The following KCNMA1 variants were observed in gnomAD, a reference collection of about 807,000 sequenced individuals.
KCNMA1 encodes Calcium-activated potassium channel subunit alpha-1.
KCNMA1 carries 29 observed loss-of-function variants against 140.0 expected under a neutral mutation model. That is an observed-to-expected ratio of 0.21 (90% CI 0.15 to 0.28). The LOEUF is 0.28. Ranked by LOEUF, KCNMA1 falls within the 10% of genes least tolerant of loss-of-function variation. The pLI is 1.00. For synonymous variants in KCNMA1, 612 were observed against 611.9 expected (o/e 1.00, Z 0.00); for missense variants, 880 against 1,602.2 (o/e 0.55, Z 7.70).
At chr10:77,495,756 C>T (rs923538989) in intron 1 of KCNMA1, among the ~76,000 whole-genome samples, 3 of 152,136 alleles carry the variant, frequency 2.0e-5, no homozygotes, top group Non-Finnish European at 4.4e-5. Context: ...CTGGTCCCAG[C>T]CCAAGGGGTG....
chr10:77,132,724 T>C (rs749000652), intron 5 of KCNMA1, among the ~76,000 whole-genome samples: 48 of 152,116 alleles, frequency 3.2e-4, no homozygotes, highest in Non-Finnish European at 6.6e-4. Context: ...AGAGTCAAAT[T>C]ATTGTCACAA....
intron 3 of KCNMA1, among the ~76,000 whole-genome samples, chr10:77,248,290 C>T (rs994562455): frequency 2.6e-5 from 4 of 152,160 alleles, no homozygotes; most frequent in African/African-American, 9.7e-5. Context: ...ATTCCTTGCA[C>T]TTTTCAAAGG....
chr10:77,120,513 G>C (rs1344785620), intron 6 of KCNMA1, among the ~76,000 whole-genome samples: 1 of 152,172 alleles, frequency 6.6e-6, no homozygotes. Flanking sequence ...TATGAGGTTT[G>C]TGATTGCCTC....
At chr10:77,416,458 G>T (rs1034364013) in intron 1 of KCNMA1, among the ~76,000 whole-genome samples, 29 of 152,154 alleles carry the variant, frequency 1.9e-4, no homozygotes, top group African/African-American at 7.0e-4. Flanking sequence ...AAGTGTTACC[G>T]TGGCCCCAAG....
intron 1 of KCNMA1, among the ~76,000 whole-genome samples, chr10:77,472,491 A>T (rs2098187231): frequency 6.6e-6 from 1 of 151,378 alleles, no homozygotes; most frequent in Non-Finnish European, 1.5e-5. Context: ...AACACACATC[A>T]CACATACACA....
downstream of KCNMA1, chr10:76,875,304 T>C (rs955209784): frequency 2.6e-5 from 4 of 152,336 alleles, no homozygotes; most frequent in African/African-American, 4.8e-5. Flanking sequence ...TATGAACTTA[T>C]TGCTCTATTT....
At chr10:76,910,890 C>A (rs2049907401) in intron 24 of KCNMA1, 1 of 152,734 alleles carries the variant, frequency 6.5e-6, no homozygotes, top group Non-Finnish European at 1.5e-5. Context: ...ACTCCTCCCG[C>A]ATGTACGTGC....
chr10:77,128,113 A>G (rs562131676), intron 5 of KCNMA1, among the ~76,000 whole-genome samples: 3 of 152,090 alleles, frequency 2.0e-5, no homozygotes, highest in Non-Finnish European at 4.4e-5. Flanking sequence ...TAGTCATTTT[A>G]TTTTCTTCTC....
chr10:76,893,403 A>G (rs571723428), intron 25 of KCNMA1, among the ~76,000 whole-genome samples: 187 of 152,260 alleles, frequency 1.2e-3, no homozygotes, highest in Non-Finnish European at 2.2e-3. Flanking sequence ...GGGCTTTAAA[A>G]ACCAAGCAAG....
At chr10:77,483,840 C>T (rs528025927) in intron 1 of KCNMA1, among the ~76,000 whole-genome samples, 11 of 152,220 alleles carry the variant, frequency 7.2e-5, no homozygotes, top group African/African-American at 2.7e-4. Context: ...TTGACACTGT[C>T]GCCCAAGCAA....
chr10:77,031,044 G>T (rs1193682344), intron 15 of KCNMA1, among the ~76,000 whole-genome samples: 1 of 152,160 alleles, frequency 6.6e-6, no homozygotes, highest in African/African-American at 2.4e-5. Flanking sequence ...AACAAACTGA[G>T]CCCAAACAGA....
chr10:77,021,408 T>C (rs1026681425), intron 16 of KCNMA1, among the ~76,000 whole-genome samples: 1 of 152,184 alleles, frequency 6.6e-6, no homozygotes, highest in African/African-American at 2.4e-5. Context: ...GTTGCTACTC[T>C]CAGTGAGCTA....
chr10:77,406,254 G>A (rs2096467117), intron 1 of KCNMA1, among the ~76,000 whole-genome samples: 3 of 152,124 alleles, frequency 2.0e-5, no homozygotes, highest in Non-Finnish European at 4.4e-5. Flanking sequence ...CTGATACAGG[G>A]TCAACCATGG....
At chr10:76,970,379 A>T (rs1021662289) in intron 19 of KCNMA1, 35 of 310,562 alleles carry the variant, frequency 1.1e-4, no homozygotes, top group African/African-American at 6.2e-4. Context: ...ACCAAAAAAA[A>T]TACTTATCAT....
chr10:77,190,203 T>C (rs1048428896), intron 3 of KCNMA1, among the ~76,000 whole-genome samples: 22 of 152,170 alleles, frequency 1.4e-4, no homozygotes, highest in Admixed American at 1.2e-3. Flanking sequence ...TGAATTCCCA[T>C]GCTACTGGGA....
intron 15 of KCNMA1, among the ~76,000 whole-genome samples, chr10:77,035,609 GGC>G (rs2094271510): frequency 6.6e-6 from 1 of 152,156 alleles, no homozygotes; most frequent in Non-Finnish European, 1.5e-5. Context: ...CACCAAGCTT[GGC>G]ACAATGGTGC....
chr10:77,347,927 A>G (rs2092402269), intron 2 of KCNMA1, among the ~76,000 whole-genome samples: 1 of 152,206 alleles, frequency 6.6e-6, no homozygotes, highest in Non-Finnish European at 1.5e-5. Flanking sequence ...ATCCCCTTTT[A>G]CAGATGAGGA....
At chr10:77,636,219 T>C in intron 1 of KCNMA1, 1 of 1,429,236 alleles carries the variant, frequency 7.0e-7, no homozygotes, top group Admixed American at 2.9e-5. Flanking sequence ...TTCTTTCTTT[T>C]TTATTCTGCA....
chr10:77,445,201 A>C (rs1197247074), intron 1 of KCNMA1, among the ~76,000 whole-genome samples: 1 of 152,122 alleles, frequency 6.6e-6, no homozygotes, highest in Non-Finnish European at 1.5e-5. Context: ...ACTTTCTATA[A>C]GGCAAGCTCC....
Sources: allele counts gnomAD v4.1 joint callset (sites outside exome capture counted in the v4.1 genomes callset), GRCh38; gene constraint gnomAD v4.1.1; transcripts MANE v1.5; gene names NCBI Gene and HGNC (gene_info 2026-07-23, HGNC 2026-07-21).